The following TRIM55 variants were observed in gnomAD, a reference collection of about 807,000 sequenced individuals.
TRIM55 encodes tripartite motif-containing protein 55.
In TRIM55, 50 loss-of-function variants were observed where a neutral mutation model predicts 60.9. The ratio of observed to expected loss-of-function variants is 0.82; its 90% CI spans 0.65 to 1.04. The LOEUF is 1.04. Ranked by LOEUF, TRIM55 falls within the 50% of genes least tolerant of loss-of-function variation. The pLI is 0.00. For missense variants in TRIM55, 681 were observed against 666.9 expected (o/e 1.02, Z -0.23); for synonymous variants, 237 against 238.1 (o/e 1.00, Z 0.04).
chr8:66,122,932 A>G (rs1808687599), upstream of TRIM55, among the ~76,000 whole-genome samples: 1 of 152,254 alleles, frequency 6.6e-6, no homozygotes, highest in Non-Finnish European at 1.5e-5. Flanking sequence ...AAATATTTTG[A>G]AATGGCCCTG....
chr8:66,159,434 C>A (rs910774906), intron 9 of TRIM55, among the ~76,000 whole-genome samples: 14 of 152,148 alleles, frequency 9.2e-5, no homozygotes, highest in Admixed American at 5.9e-4. Flanking sequence ...TTTATCTGTT[C>A]ATCACTTGAT....
chr8:66,134,777 A>G (rs1809378786), intron 2 of TRIM55, among the ~76,000 whole-genome samples: 1 of 152,140 alleles, frequency 6.6e-6, no homozygotes, highest in African/African-American at 2.4e-5. Context: ...GCAGGTTGTT[A>G]GAGATTTGCC....
chr8:66,167,091 C>A (rs926532725), intron 9 of TRIM55, among the ~76,000 whole-genome samples: 5 of 152,146 alleles, frequency 3.3e-5, no homozygotes, highest in African/African-American at 1.2e-4. Flanking sequence ...GAGAGGCTGA[C>A]CCTGTCCCGA....
chr8:66,133,638 C>T (rs546891455), intron 2 of TRIM55, among the ~76,000 whole-genome samples: 1 of 152,272 alleles, frequency 6.6e-6, no homozygotes, highest in South Asian at 2.1e-4. Flanking sequence ...ACTGGAAGTC[C>T]GTGCAATTTT....
At chr8:66,115,115 A>G in the TRIM55 span, 1 of 154,070 alleles carries the variant, frequency 6.5e-6, no homozygotes, top group Non-Finnish European at 1.4e-5. Flanking sequence ...TTCTTACAAG[A>G]CATAACACAA....
At chr8:66,114,088 C>T in the TRIM55 span, among the ~76,000 whole-genome samples, 1 of 133,956 alleles carries the variant, frequency 7.5e-6, no homozygotes, top group African/African-American at 2.7e-5. Context: ...AGACACCCCC[C>T]CCCCCATTAT....
chr8:66,174,591 T>A lies in TRIM55; in HGVS notation c.1645T>A (p.Ter549ArgextTer13). The change falls in exon 10 of 10, where the codon TGA (stop) becomes AGA (arginine). Residue 549 changes from the stop codon to arginine, a stop_lost. Coordinates refer to ENST00000315962, the MANE Select transcript of TRIM55 (RefSeq NM_184085.2). ...SFSWLNSLNE[*>R] Reference sequence around the variant, plus strand: ...TTCCTGGTTGAACTCCCTAAATGAATGATATTCATTCCAACTGCTGCCCCT... The same window carrying A: ...TTCCTGGTTGAACTCCCTAAATGAAAGATATTCATTCCAACTGCTGCCCCT... 1 of 1,593,906 alleles carries A rather than the reference T, an allele frequency of 6.3e-7. No individual in the cohort carries two copies.
In TRIM55 at chr8:66,150,393, T is replaced by G. The variant is rs757811388; in HGVS notation, c.912T>G (p.Tyr304Ter). The change falls in exon 7 of 10, where the codon TAT (tyrosine) becomes TAG (stop). Residue 304 changes from tyrosine (Y) to a stop codon, truncating the protein, a stop_gained. Transcript: ENST00000315962. LOFTEE classifies it high-confidence loss of function. ...AGATGGAGAAAATAGAACATGGCTA[T>G]GAGAACATGAACCACTTCACAGTCA... Reference protein sequence around the residue: ...AFQMEKIEHGYENMNHFTVNL... With the variant: ...AFQMEKIEHG The G allele has an allele frequency of 1.6e-5, 26 of 1,614,074 alleles. No individual in the cohort carries two copies. In the Admixed American group the frequency reaches 4.3e-4, roughly 27 times the overall value.
At chr8:66,170,426 T>C (rs1443404770) in intron 9 of TRIM55, among the ~76,000 whole-genome samples, 1 of 152,206 alleles carries the variant, frequency 6.6e-6, no homozygotes, top group Non-Finnish European at 1.5e-5. Context: ...TTCTCCTTTT[T>C]AAGGCTGAAC....
At chr8:66,131,120 G>A (rs1188417264) in intron 2 of TRIM55, among the ~76,000 whole-genome samples, 2 of 152,130 alleles carry the variant, frequency 1.3e-5, no homozygotes, top group Non-Finnish European at 2.9e-5. Flanking sequence ...TGTGCTGCAT[G>A]CCAGACACTG....
At chr8:66,151,262 G>A (rs941293272) in intron 7 of TRIM55, among the ~76,000 whole-genome samples, 4 of 152,102 alleles carry the variant, frequency 2.6e-5, no homozygotes, top group African/African-American at 9.7e-5. Flanking sequence ...TACTCCCTGA[G>A]CTATAACCAC....
rs780660760 is a variant in TRIM55, at chr8:66,174,477, T to C, written c.1531T>C (p.Phe511Leu). The change falls in exon 10 of 10, where the codon TTT (phenylalanine) becomes CTT (leucine). Residue 511 changes from phenylalanine (F) to leucine (L), a missense_variant. Phe to Leu is a conservative substitution (Grantham distance 22). Coordinates refer to ENST00000315962, the MANE Select transcript of TRIM55 (RefSeq NM_184085.2). ...CCATTTTCTTCCATTGCAGATTGGATTTGAGGCTCCTCCCCTCCAGGGACA... is the reference window on the plus strand; with the variant it reads ...CCATTTTCTTCCATTGCAGATTGGACTTGAGGCTCCTCCCCTCCAGGGACA... ...SAPAATSQIG[F>L]EAPPLQGQAA... 1.2e-6 allele frequency: 2 copies of C among 1,611,448 alleles called. No individual in the cohort carries two copies. The highest frequency in any genetic ancestry group is 3.4e-5 in the Admixed American group (2 of 59,296).
chr8:66,172,737 A>C (rs1054435961), intron 9 of TRIM55, among the ~76,000 whole-genome samples: 1 of 152,218 alleles, frequency 6.6e-6, no homozygotes, highest in Non-Finnish European at 1.5e-5. Context: ...TCACCCTTCA[A>C]CTATGTCAGA....
upstream of TRIM55, among the ~76,000 whole-genome samples, chr8:66,123,222 C>G (rs1054087080): frequency 3.3e-5 from 5 of 152,148 alleles, no homozygotes; most frequent in African/African-American, 1.2e-4. Flanking sequence ...GACCTGGAAG[C>G]CCCCACTTTG....
At chr8:66,131,019 T>G (rs1031817555) in intron 2 of TRIM55, among the ~76,000 whole-genome samples, 1 of 151,696 alleles carries the variant, frequency 6.6e-6, no homozygotes, top group Non-Finnish European at 1.5e-5. Context: ...CAGTTGGGAG[T>G]GGGAGATGGT....
chr8:66,137,141 G>C lies in TRIM55; in HGVS notation c.554G>C (p.Arg185Pro). The change falls in exon 4 of 10, where the codon CGA (arginine) becomes CCA (proline). Residue 185 changes from arginine to proline, a missense_variant. Coordinates refer to ENST00000315962, the MANE Select transcript of TRIM55 (RefSeq NM_184085.2). ...GIAILVGSND[R>P]VQGVISQLED... ...GCCATCCTCGTGGGCAGCAACGATC[G>C]AGTCCAGGGAGTGATCAGCCAGCTG... The C allele has an allele frequency of 6.2e-7, 1 of 1,614,152 alleles. No individual in the cohort carries two copies.
chr8:66,121,932 A>G (rs1808648586), upstream of TRIM55, among the ~76,000 whole-genome samples: 2 of 152,118 alleles, frequency 1.3e-5, no homozygotes, highest in Non-Finnish European at 2.9e-5. Flanking sequence ...TTAAATTCTG[A>G]TTCAAGTCCA....
intron 4 of TRIM55, among the ~76,000 whole-genome samples, chr8:66,138,983 A>G (rs903514757): frequency 3.3e-5 from 5 of 152,224 alleles, no homozygotes; most frequent in African/African-American, 9.6e-5. Context: ...TTTGCACACT[A>G]TTAAAATCAA....
intron 1 of TRIM55, 133 bp downstream of exon 1, chr8:66,127,569 G>A: frequency 9.8e-7 from 1 of 1,024,304 alleles, no homozygotes; most frequent in Non-Finnish European, 1.4e-6. Flanking sequence ...GCTCACGCCT[G>A]TAGTCCCAGC....
Sources: allele counts gnomAD v4.1 joint callset (sites outside exome capture counted in the v4.1 genomes callset), GRCh38; gene constraint gnomAD v4.1.1; transcripts MANE v1.5; gene names NCBI Gene and HGNC (gene_info 2026-07-23, HGNC 2026-07-21).